SPOCK3: variants seen among roughly 807,000 people sequenced by gnomAD.
SPOCK3 encodes SPARC (osteonectin), cwcv and kazal like domains proteoglycan 3.
In SPOCK3, 30 loss-of-function variants were observed where a neutral mutation model predicts 56.6. The ratio of observed to expected loss-of-function variants is 0.53; its 90% CI spans 0.40 to 0.72. The LOEUF is 0.72. Among genes scored for constraint, SPOCK3 ranks in the 30% least tolerant of loss-of-function variants. SPOCK3 has a pLI of 0.00. For synonymous variants in SPOCK3, 196 were observed against 183.3 expected, an observed-to-expected ratio of 1.07 and a Z score of -0.56; for missense variants, 527 against 530.0, an observed-to-expected ratio of 0.99 and a Z score of 0.06.
At chr4:167,061,663 A>C (rs149545709) in intron 3 of SPOCK3, among the ~76,000 whole-genome samples, 1 of 152,048 alleles carries the variant, frequency 6.6e-6, no homozygotes, top group East Asian at 1.9e-4. Flanking sequence ...TTCATCATCT[A>C]ATCACTTACT....
rs1733950960 is a variant in SPOCK3 at position 166,733,607 on chromosome 4, C to T, written c.*1314G>A. On this transcript the variant is annotated 3_prime_UTR_variant, in exon 11 of 11. Coordinates refer to ENST00000357545, the MANE Select transcript of SPOCK3 (RefSeq NM_001040159.2). ...ATACGTAACATTCAACAGGTTTTTC[C>T]ATTTTTATTATGGGCACAAAACCAT... 6.6e-6 allele frequency: 1 copy of T among 151,916 alleles called. No individual in the cohort carries two copies. Among genetic ancestry groups the T allele is most frequent in the Non-Finnish European group, 1.5e-5 (1 of 67,710 alleles). 9.4% of individuals were successfully genotyped at this position (151,916 alleles called of 1,614,324 possible).
chr4:166,843,123 C>T (rs1425374874), intron 6 of SPOCK3, among the ~76,000 whole-genome samples: 2 of 152,178 alleles, frequency 1.3e-5, no homozygotes, highest in African/African-American at 4.8e-5. Context: ...CGGGGCCCGC[C>T]AAGCCCGTGC....
chr4:167,082,957 C>T (rs1757856969), intron 2 of SPOCK3, among the ~76,000 whole-genome samples: 1 of 151,962 alleles, frequency 6.6e-6, no homozygotes, highest in Admixed American at 6.6e-5. Flanking sequence ...GACTTCACAG[C>T]TCAGGCCCAT....
chr4:167,231,334 G>T (rs890592386), intron 2 of SPOCK3, among the ~76,000 whole-genome samples: 7 of 151,850 alleles, frequency 4.6e-5, no homozygotes, highest in Admixed American at 3.3e-4. Flanking sequence ...TAATCATAAG[G>T]ATTAATCCAA....
intron 5 of SPOCK3, among the ~76,000 whole-genome samples, chr4:166,901,704 A>G (rs919657090): frequency 3.3e-5 from 5 of 152,086 alleles, no homozygotes; most frequent in African/African-American, 1.2e-4. Flanking sequence ...CAAGACAAAC[A>G]CATAAGGCAA....
chr4:167,135,992 A>C (rs1407919976), intron 2 of SPOCK3, among the ~76,000 whole-genome samples: 2 of 152,122 alleles, frequency 1.3e-5, no homozygotes, highest in Non-Finnish European at 2.9e-5. Flanking sequence ...AAGGGATACA[A>C]AGAATATCCC....
In SPOCK3 at chr4:166,915,749, CT is replaced by C. The variant is rs200508406; in HGVS notation, c.351-3007del. On this transcript the variant is annotated intron_variant, in intron 4 of 10. Transcript: ENST00000357545. ...GAATGCCCCAGGTAAGAAACTAGATCTGGGGAGAGCACAACTAGGCACATTA... is the reference window on the plus strand; with the variant it reads ...GAATGCCCCAGGTAAGAAACTAGATCGGGGAGAGCACAACTAGGCACATTA... 1.7e-3 allele frequency among the ~76,000 whole-genome samples: 264 copies of C among 152,198 alleles called. 3 individuals carry two copies. The East Asian group carries it at 0.045, about 26-fold the overall frequency.
intron 2 of SPOCK3, among the ~76,000 whole-genome samples, chr4:167,105,835 G>T (rs1051601557): frequency 1.3e-5 from 2 of 151,786 alleles, no homozygotes; most frequent in African/African-American, 4.8e-5. Context: ...AAAAGAGCAG[G>T]AGTAGTTATA....
intron 5 of SPOCK3, among the ~76,000 whole-genome samples, chr4:166,896,864 A>C (rs981759400): frequency 1.3e-5 from 2 of 152,124 alleles, no homozygotes; most frequent in African/African-American, 2.4e-5. Flanking sequence ...CCATGTTCTT[A>C]AATACAGGTG....
intron 2 of SPOCK3, among the ~76,000 whole-genome samples, chr4:167,113,388 C>T (rs1326808078): frequency 2.0e-5 from 3 of 147,996 alleles, no homozygotes; most frequent in Non-Finnish European, 4.5e-5. Flanking sequence ...TTTTTTTTTA[C>T]CATTAACTAT....
chr4:167,000,366 G>A lies in SPOCK3; in HGVS notation c.333C>T (p.His111=), dbSNP rs777139850. The change falls in exon 4 of 11, where the codon CAC becomes CAT. Residue 111 remains histidine (H), a synonymous_variant. Coordinates refer to ENST00000357545, the MANE Select transcript of SPOCK3 (RefSeq NM_001040159.2). ...ATGTTTACCTGTGTGTAAGCCTCCGGTGACTAATGCAGACTGCAGTCTGAG... is the reference window on the plus strand; with the variant it reads ...ATGTTTACCTGTGTGTAAGCCTCCGATGACTAATGCAGACTGCAGTCTGAG... ...QDSQTAVCIS[H]RRLTHRMKEA... 6.3e-6 allele frequency: 10 copies of A among 1,578,606 alleles called. No individual in the cohort carries two copies. The highest frequency in any genetic ancestry group is 1.7e-4 in the Middle Eastern group (1 of 5,954).
At chr4:166,976,976 T>C (rs556533837) in intron 4 of SPOCK3, among the ~76,000 whole-genome samples, 1 of 152,066 alleles carries the variant, frequency 6.6e-6, no homozygotes, top group East Asian at 1.9e-4. Flanking sequence ...AAGAAACAAA[T>C]TGAGAAAGAT....
In SPOCK3 at chr4:167,048,985, G is replaced by GA. The variant is rs201236231; in HGVS notation, c.235+13506dup. Among the ~76,000 whole-genome samples the GA allele has an allele frequency of 4.1e-3, 617 of 152,134 alleles. 5 individuals are homozygous for GA. The highest frequency in any genetic ancestry group is 0.014 in the African/African-American group (589 of 41,518). On this transcript the variant is annotated intron_variant, in intron 3 of 10. Transcript: ENST00000357545. ...AGTTCTCCAATGAGAAGTGTTAACTGAAAAATCACTTAGCTTTTTTTCATA... is the reference window on the plus strand; with the variant it reads ...AGTTCTCCAATGAGAAGTGTTAACTGAAAAAATCACTTAGCTTTTTTTCATA...
intron 2 of SPOCK3, among the ~76,000 whole-genome samples, chr4:167,069,866 T>C (rs1025013743): frequency 6.6e-6 from 1 of 151,958 alleles, no homozygotes; most frequent in African/African-American, 2.4e-5. Context: ...TGCATATGAA[T>C]GTTAATCTGT....
At chr4:166,830,086 T>C (rs562869737) in intron 6 of SPOCK3, among the ~76,000 whole-genome samples, 1 of 152,274 alleles carries the variant, frequency 6.6e-6, no homozygotes, top group African/African-American at 2.4e-5. Flanking sequence ...CTTATACCAC[T>C]CTTCATTTTA....
intron 2 of SPOCK3, among the ~76,000 whole-genome samples, chr4:167,070,929 T>C (rs1184806156): frequency 1.3e-5 from 2 of 152,026 alleles, no homozygotes; most frequent in Non-Finnish European, 2.9e-5. Context: ...TTTTCCATGT[T>C]GTGTCTTAGA....
intron 4 of SPOCK3, among the ~76,000 whole-genome samples, chr4:166,931,148 A>AT (rs1320972298): frequency 1.1e-4 from 16 of 152,064 alleles, no homozygotes; most frequent in Non-Finnish European, 5.9e-5. Flanking sequence ...CGCCCAGCTA[A>AT]TTTTTGCACT....
intron 3 of SPOCK3, among the ~76,000 whole-genome samples, chr4:167,038,123 T>C (rs1020079445): frequency 2.0e-5 from 3 of 152,148 alleles, no homozygotes; most frequent in Non-Finnish European, 4.4e-5. Context: ...ACTGCATTCC[T>C]ATAATACAGC....
chr4:166,962,887 A>G (rs1212384020), intron 4 of SPOCK3, among the ~76,000 whole-genome samples: 2 of 152,152 alleles, frequency 1.3e-5, no homozygotes, highest in African/African-American at 4.8e-5. Flanking sequence ...AAGAGGCATC[A>G]GCTCATTTAA....
Sources: gnomAD v4.1 joint callset for allele counts (sites outside exome capture counted in the v4.1 genomes callset) on GRCh38, gnomAD v4.1.1 for gene constraint, MANE v1.5 for transcripts, NCBI Gene and HGNC (gene_info 2026-07-23, HGNC 2026-07-21) for gene names.